Variants in AK9 observed in about 807,000 individuals in gnomAD.
AK9 encodes the protein adenylate kinase 9, also known as adenylate kinase domain containing 1.
In AK9, 191 loss-of-function variants were observed where a neutral mutation model predicts 239.6. That is an observed-to-expected ratio of 0.80 (90% CI 0.71 to 0.90). The LOEUF (loss-of-function observed/expected upper bound fraction) is 0.90, where lower values mean the gene tolerates loss of function less well. Among genes scored for constraint, AK9 ranks in the 40% least tolerant of loss-of-function variants. The pLI, the probability that AK9 is intolerant of heterozygous loss-of-function variation, is 0.00. For synonymous variants in AK9, 689 were observed against 721.0 expected, an observed-to-expected ratio of 0.96 and a Z score of 0.71; for missense variants, 1,995 against 2,214.7, an observed-to-expected ratio of 0.90 and a Z score of 1.99.
intron 29 of AK9, among the ~76,000 whole-genome samples, chr6:109,526,101 A>G (rs1173292492): frequency 6.6e-6 from 1 of 152,122 alleles, no homozygotes; most frequent in East Asian, 1.9e-4. Context: ...ATGGACACAA[A>G]GAGGAGAACA....
At chr6:109,610,638 T>C in intron 16 of AK9, 125 bp from the exon 17 acceptor site, 2 of 1,056,170 alleles carry the variant, frequency 1.9e-6, no homozygotes, top group African/African-American at 1.6e-5. Flanking sequence ...CCGCAGCACA[T>C]GTTGGAAGGA....
At chr6:109,564,426 T>A in intron 22 of AK9, 146 bp from the exon 23 acceptor site, 1 of 604,870 alleles carries the variant, frequency 1.7e-6, no homozygotes, top group Non-Finnish European at 2.7e-6. Context: ...CATAAATTCA[T>A]AATTTAATTA....
chr6:109,599,289 G>A (rs80175967), intron 17 of AK9, among the ~76,000 whole-genome samples: 45,115 of 151,428 alleles, frequency 0.3, 7,121 homozygotes, highest in Middle Eastern at 0.4. Flanking sequence ...AGCTTTCTAC[G>A]TATGGCTAGC....
At chr6:109,615,870 C>A (rs1265297326) in intron 13 of AK9, among the ~76,000 whole-genome samples, 1 of 152,060 alleles carries the variant, frequency 6.6e-6, no homozygotes, top group Admixed American at 6.6e-5. Flanking sequence ...CCCCGCTCAA[C>A]TATAAACCAG....
In AK9 at chr6:109,506,198, A is replaced by G. The variant is rs148970873; in HGVS notation, c.4849+129T>C. ...ATACTATTATATATAGTATTGGATAATAAGTATTGAAATACTTATTAAGTC... is the reference window on the plus strand; with the variant it reads ...ATACTATTATATATAGTATTGGATAGTAAGTATTGAAATACTTATTAAGTC... On this transcript the variant is annotated intron_variant, in intron 35 of 40. Transcript: ENST00000424296. 3.9e-4 allele frequency: 300 copies of G among 774,586 alleles called. 2 individuals are homozygous for G. Among genetic ancestry groups the G allele is most frequent in the South Asian group, 3.0e-3 (172 of 57,416 alleles). The allele number at this position is 774,586 out of a possible 1,614,324, so 48.0% of individuals were successfully genotyped here.
At chr6:109,531,779 C>T (rs917506910) in intron 28 of AK9, among the ~76,000 whole-genome samples, 2 of 152,180 alleles carry the variant, frequency 1.3e-5, no homozygotes, top group East Asian at 1.9e-4. Flanking sequence ...CAGAATCTCT[C>T]GCATAGCAGA....
At chr6:109,556,581 A>G (rs1785035256) in intron 24 of AK9, among the ~76,000 whole-genome samples, 1 of 152,076 alleles carries the variant, frequency 6.6e-6, no homozygotes. Flanking sequence ...GTTCTCCTGG[A>G]TAATATCCTG....
At chr6:109,619,817 C>T (rs1481542412) in intron 12 of AK9, among the ~76,000 whole-genome samples, 1 of 152,084 alleles carries the variant, frequency 6.6e-6, no homozygotes, top group Non-Finnish European at 1.5e-5. Flanking sequence ...TGCCTTACTC[C>T]TTCCCCAGCT....
At chr6:109,578,751 G>A (rs1788444333) in intron 20 of AK9, among the ~76,000 whole-genome samples, 1 of 152,058 alleles carries the variant, frequency 6.6e-6, no homozygotes, top group Non-Finnish European at 1.5e-5. Context: ...CACTGTTATT[G>A]TTCAGTTCAA....
chr6:109,528,957 G>T, intron 29 of AK9, 54 bp downstream of exon 29: 1 of 1,585,084 alleles, frequency 6.3e-7, no homozygotes. Context: ...ACTGTACCCT[G>T]CCCTGGGCAA....
intron 35 of AK9, among the ~76,000 whole-genome samples, chr6:109,499,536 C>G (rs2115415175): frequency 6.6e-6 from 1 of 152,152 alleles, no homozygotes; most frequent in Non-Finnish European, 1.5e-5. Flanking sequence ...AAACATTATT[C>G]TGCAACTTGC....
At chr6:109,551,564 G>A (rs1691545081) in intron 24 of AK9, among the ~76,000 whole-genome samples, 1 of 150,832 alleles carries the variant, frequency 6.6e-6, no homozygotes, top group East Asian at 2.0e-4. Flanking sequence ...GGAAAATAAT[G>A]ATTTTTTTCC....
intron 27 of AK9, among the ~76,000 whole-genome samples, chr6:109,538,187 C>T (rs1782301742): frequency 1.3e-5 from 2 of 152,098 alleles, no homozygotes; most frequent in African/African-American, 4.8e-5. Context: ...GTTGATCTGT[C>T]TAATGTTGAT....
chr6:109,526,165 A>G (rs946866979), intron 29 of AK9, among the ~76,000 whole-genome samples: 4 of 152,062 alleles, frequency 2.6e-5, no homozygotes, highest in African/African-American at 9.7e-5. Context: ...TGAGGGTCAA[A>G]ACACTACCTA....
chr6:109,666,454 A>G (rs994050774), intron 5 of AK9, among the ~76,000 whole-genome samples: 1 of 152,062 alleles, frequency 6.6e-6, no homozygotes, highest in Non-Finnish European at 1.5e-5. Context: ...CATGCTAACG[A>G]TGGAGGAGTG....
At position 109,497,753 on chromosome 6, in the gene AK9, C is replaced by T. The variant is rs373953563; in HGVS notation, c.5216+43G>A. Reference sequence around the variant, plus strand: ...ATTATTACATGAACCACTTCTTTGGCGTAGCAATATCATTCTATACTTCCA... The same window carrying T: ...ATTATTACATGAACCACTTCTTTGGTGTAGCAATATCATTCTATACTTCCA... On this transcript the variant is annotated intron_variant, in intron 37 of 40. Coordinates refer to ENST00000424296, the MANE Select transcript of AK9 (RefSeq NM_001145128.3). The T allele has an allele frequency of 1.6e-5, 25 of 1,581,954 alleles. No homozygotes were observed. The African/African-American group carries it at 2.0e-4, about 13-fold the overall frequency.
chr6:109,540,109 A>G (rs1782657810), intron 27 of AK9, among the ~76,000 whole-genome samples: 1 of 151,674 alleles, frequency 6.6e-6, no homozygotes, highest in African/African-American at 2.4e-5. Flanking sequence ...GTGCTGGGAG[A>G]ACCACTACTC....
chr6:109,604,998 T>C (rs909332174), intron 17 of AK9, among the ~76,000 whole-genome samples: 1 of 152,124 alleles, frequency 6.6e-6, no homozygotes, highest in South Asian at 2.1e-4. Context: ...ATTAGCTCCA[T>C]TGTTTTTTAG....
At chr6:109,658,628 T>A (rs566702288) in intron 7 of AK9, among the ~76,000 whole-genome samples, 56 of 152,238 alleles carry the variant, frequency 3.7e-4, no homozygotes, top group African/African-American at 1.3e-3. Flanking sequence ...TCTCAGAATG[T>A]TTATGTTGAT....
Sources: gnomAD v4.1 joint callset for allele counts (sites outside exome capture counted in the v4.1 genomes callset) on GRCh38, gnomAD v4.1.1 for gene constraint, MANE v1.5 for transcripts, NCBI Gene and HGNC (gene_info 2026-07-23, HGNC 2026-07-21) for gene names.